WDR36: variants seen among roughly 807,000 people sequenced by gnomAD.
WDR36 encodes the protein WD repeat-containing protein 36.
In WDR36, 63 loss-of-function variants were observed where a neutral mutation model predicts 112.7. The observed-to-expected ratio is 0.56, with a 90% CI of 0.46 to 0.69. The LOEUF (loss-of-function observed/expected upper bound fraction) is 0.69. WDR36 is among the 30% of genes least tolerant of loss of function. The pLI is 0.00. For missense variants in WDR36, 1,226 were observed against 1,070.3 expected (o/e 1.15, Z -2.03); for synonymous variants, 410 against 362.2 (o/e 1.13, Z -1.50).
chr5:111,118,986 C>G lies in WDR36; in HGVS notation c.1797-27C>G, dbSNP rs762993678. The G allele has an allele frequency of 5.7e-6, 9 of 1,570,244 alleles. No individual in the cohort carries two copies. The African/African-American group carries it at 1.1e-4, about 19-fold the overall frequency. The stretch of plus-strand genomic sequence containing the variant: ...TCTCCTTTTTGGTAGAGTTCAAATA[C>G]TTTTAACATGTTAATTATTTCTGTA... On this transcript the variant is annotated intron_variant, in intron 16 of 22. Transcript: ENST00000513710.
chr5:111,113,198 G>A (rs774316923), intron 16 of WDR36, 45 bp downstream of exon 16: 85 of 1,258,330 alleles, frequency 6.8e-5, no homozygotes, highest in Admixed American at 3.4e-5. Context: ...AGATTTCTAA[G>A]TTATTTTTTT....
At chr5:111,126,367 A>C (rs113121716) in intron 22 of WDR36, among the ~76,000 whole-genome samples, 13 of 152,152 alleles carry the variant, frequency 8.5e-5, no homozygotes, top group African/African-American at 2.9e-4. Context: ...GGTCTACTTT[A>C]GTGGTATAAT....
At chr5:111,105,408 C>G in intron 10 of WDR36, 48 bp downstream of exon 10, 1 of 1,532,968 alleles carries the variant, frequency 6.5e-7, no homozygotes, top group Non-Finnish European at 9.0e-7. Flanking sequence ...AGAAACATTT[C>G]AACATTCTAT....
At chr5:111,120,956 T>C (rs764838523) in intron 18 of WDR36, 40 bp from the exon 19 acceptor site, 1 of 1,551,192 alleles carries the variant, frequency 6.4e-7, no homozygotes, top group African/African-American at 1.4e-5. Context: ...TGCTTTTATA[T>C]GATAAAAATC....
chr5:111,107,082 T>C (rs1177121646), intron 11 of WDR36, among the ~76,000 whole-genome samples: 3 of 151,436 alleles, frequency 2.0e-5, no homozygotes, highest in Non-Finnish European at 4.4e-5. Flanking sequence ...ATCACAACGT[T>C]ATGTTCTATG....
At position 111,098,684 on chromosome 5, in the gene WDR36, G is replaced by C. The variant is rs761591572; in HGVS notation, c.292-38G>C. The C allele has an allele frequency of 6.4e-6, 8 of 1,249,552 alleles. No homozygotes were observed. In the African/African-American group the frequency reaches 1.0e-4, roughly 16 times the overall value. The allele number at this position is 1,249,552 out of a possible 1,614,324, so 77.4% of individuals were successfully genotyped here. A position where few individuals can be genotyped will look rare whatever the true frequency, so the allele number is the denominator to read the frequency against. On this transcript the variant is annotated intron_variant, in intron 3 of 22. Transcript: ENST00000513710. ...ATGAATAATATGACATGATGACTGA[G>C]TAATAATATGAAATTCTTTTAAACT... is the stretch of plus-strand genomic sequence containing the variant.
intron 20 of WDR36, 75 bp downstream of exon 20, chr5:111,123,999 C>A (rs1753623861): frequency 6.2e-7 from 1 of 1,606,076 alleles, no homozygotes; most frequent in African/African-American, 1.3e-5. Context: ...TTTACCAAGA[C>A]CTAGTTTTAC....
intron 12 of WDR36, among the ~76,000 whole-genome samples, chr5:111,107,663 A>C (rs980295288): frequency 6.6e-6 from 1 of 151,370 alleles, no homozygotes; most frequent in East Asian, 1.9e-4. Context: ...ACTTTTGTGT[A>C]TGGTATGATA....
chr5:111,119,574 A>G (rs996705655), intron 17 of WDR36, among the ~76,000 whole-genome samples: 1 of 152,156 alleles, frequency 6.6e-6, no homozygotes, highest in African/African-American at 2.4e-5. Flanking sequence ...AACCGTGTAA[A>G]GATACTTCAA....
At chr5:111,099,580 G>T (rs1753077888) in intron 4 of WDR36, among the ~76,000 whole-genome samples, 1 of 150,772 alleles carries the variant, frequency 6.6e-6, no homozygotes, top group Admixed American at 6.6e-5. Flanking sequence ...CTCAAGTAGA[G>T]GGAGGGAACA....
In WDR36 at chr5:111,130,388, TG is replaced by T. The variant is rs1468166025; in HGVS notation, c.*3506del. ...AAACCTGTGTTGTTCAAAGATCATT[TG>T]TATTTCTCTTCAAGAACAATGAATG... On this transcript the variant is annotated 3_prime_UTR_variant, in exon 23 of 23. Coordinates refer to ENST00000513710, the MANE Select transcript of WDR36 (RefSeq NM_139281.3). 1.1e-5 allele frequency: 2 copies of T among 182,840 alleles called. No homozygotes were observed. Among genetic ancestry groups the T allele is most frequent in the African/African-American group, 4.7e-5 (2 of 42,496 alleles). 11.3% of individuals were successfully genotyped at this position (182,840 alleles called of 1,614,324 possible). A position where few individuals can be genotyped will look rare whatever the true frequency, so the allele number is the denominator to read the frequency against.
chr5:111,110,911 G>T lies in WDR36; in HGVS notation c.1565G>T (p.Ser522Ile), dbSNP rs1753323790. 1 of 1,611,370 alleles carries T rather than the reference G, an allele frequency of 6.2e-7. No individual in the cohort carries two copies. The highest frequency in any genetic ancestry group is 8.5e-7 in the Non-Finnish European group (1 of 1,178,512). ...AACAAAATTTTAATCCATTCTGTGA[G>T]CCTCAGTTCATCTCCAAATATCATG... ...FKNKILIHSVSLSSSPNIMLL... is the reference protein window; with the variant it reads ...FKNKILIHSVILSSSPNIMLL... The change falls in exon 14 of 23, where the codon AGC (serine) becomes ATC (isoleucine). Residue 522 changes from serine (S) to isoleucine (I), a missense_variant. Ser to Ile is a moderately radical substitution (Grantham distance 142). Coordinates refer to ENST00000513710, the MANE Select transcript of WDR36 (RefSeq NM_139281.3).
chr5:111,108,004 T>A lies in WDR36; in HGVS notation c.1326+565T>A, dbSNP rs766060165. Among the ~76,000 whole-genome samples the A allele has an allele frequency of 3.3e-5, 5 of 151,286 alleles. No individual in the cohort carries two copies. The Admixed American group carries it at 3.3e-4, about 10-fold the overall frequency. On this transcript the variant is annotated intron_variant, in intron 12 of 22. Coordinates refer to ENST00000513710, the MANE Select transcript of WDR36 (RefSeq NM_139281.3). ...TTTCCGTATGGATTTTAGAATGAGC[T>A]TATCAATTTCTGCAAAAAAAAGCAG...
chr5:111,126,620 A>G (rs1205823577), intron 22 of WDR36, 114 bp from the exon 23 acceptor site: 2 of 1,239,234 alleles, frequency 1.6e-6, no homozygotes, highest in Non-Finnish European at 2.3e-6. Flanking sequence ...CCAGCGCTTA[A>G]GAAAACAAAT....
intron 20 of WDR36, 47 bp downstream of exon 20, chr5:111,123,971 A>T: frequency 6.2e-7 from 1 of 1,612,008 alleles, no homozygotes; most frequent in Non-Finnish European, 8.5e-7. Context: ...GTATGTTTGT[A>T]TGTGTTTTCT....
intron 16 of WDR36, 84 bp downstream of exon 16, chr5:111,113,237 G>T: frequency 1.3e-6 from 1 of 762,858 alleles, no homozygotes; most frequent in East Asian, 3.4e-5. Flanking sequence ...ATAGTTAATG[G>T]GTTATATGCT....
At position 111,119,022 on chromosome 5, in the gene WDR36, C is replaced by G. The variant is rs778421893; in HGVS notation, c.1806C>G (p.Asp602Glu). The G allele has an allele frequency of 9.9e-6, 16 of 1,612,982 alleles. No individual in the cohort carries two copies. The highest frequency in any genetic ancestry group is 1.3e-5 in the Non-Finnish European group (15 of 1,179,074). ...TWDLPSGCLI[D>E]CFLLDSAPLN... ...TTAATTATTTCTGTAGCCTTATAGA[C>G]TGCTTTTTGTTGGACTCGGCTCCTC... The change falls in exon 17 of 23, where the codon GAC becomes GAG. Residue 602 changes from aspartate (D) to glutamate (E), a missense_variant. Transcript: ENST00000513710.
intron 16 of WDR36, among the ~76,000 whole-genome samples, chr5:111,115,584 A>G (rs1348297008): frequency 2.6e-5 from 4 of 151,788 alleles, no homozygotes; most frequent in Admixed American, 6.6e-5. Context: ...TTTGCTTGGA[A>G]AAAAAAAACA....
intron 1 of WDR36, among the ~76,000 whole-genome samples, chr5:111,093,158 C>T (rs1462929516): frequency 6.6e-6 from 1 of 152,232 alleles, no homozygotes; most frequent in East Asian, 1.9e-4. Context: ...TTCTTTGCAA[C>T]ATAGGTGTCA....
Sources: allele counts gnomAD v4.1 joint callset (sites outside exome capture counted in the v4.1 genomes callset), GRCh38; gene constraint gnomAD v4.1.1; transcripts MANE v1.5; gene names NCBI Gene and HGNC (gene_info 2026-07-23, HGNC 2026-07-21).